The following TMEM18 variants were observed in gnomAD, a reference collection of about 807,000 sequenced individuals.
TMEM18 encodes the protein transmembrane protein 18.
A neutral mutation model predicts 17.4 loss-of-function variants in TMEM18; 14 were observed. That is an observed-to-expected ratio of 0.80 (90% CI 0.53 to 1.25). The LOEUF (loss-of-function observed/expected upper bound fraction) is 1.25, where lower values mean the gene tolerates loss of function less well. TMEM18 is among the 50% of genes most tolerant of loss of function. TMEM18 has a pLI of 0.00. For missense variants in TMEM18, 187 were observed against 172.1 expected, an observed-to-expected ratio of 1.09 and a Z score of -0.48; for synonymous variants, 86 against 66.1, an observed-to-expected ratio of 1.30 and a Z score of -1.46.
intron 1 of TMEM18, chr2:675,951 TG>T: frequency 1.5e-6 from 2 of 1,356,972 alleles, no homozygotes; most frequent in Non-Finnish European, 1.9e-6. Context: ...GTTTTTAAGG[TG>T]GGTATAATTA....
rs377290376 is a variant in TMEM18 at position 675,863 on chromosome 2, T to C, written c.58-233A>G. 55 of 1,500,130 alleles carry C rather than the reference T, an allele frequency of 3.7e-5. No homozygotes were observed. The African/African-American group carries it at 5.0e-4, about 14-fold the overall frequency. The allele number at this position is 1,500,130 out of a possible 1,614,324, so 92.9% of individuals were successfully genotyped here. On this transcript the variant is annotated intron_variant, in intron 1 of 4. Transcript: ENST00000281017. ...GATTCTCCCCTCAGTGCAACTATAATTCATGGAATTCAAAGTTCAAGCACA... is the reference window on the plus strand; with the variant it reads ...GATTCTCCCCTCAGTGCAACTATAACTCATGGAATTCAAAGTTCAAGCACA...
intron 1 of TMEM18, chr2:676,760 CTCCA>C: frequency 1.0e-6 from 1 of 965,810 alleles, no homozygotes; most frequent in Non-Finnish European, 1.5e-6. Context: ...CACGATCAGG[CTCCA>C]CCACGCACGC....
chr2:665,696 A>G lies in TMEM18; in HGVS notation c.*3884T>C, dbSNP rs1363486053. Among the ~76,000 whole-genome samples, 1 of 76,202 alleles carries G rather than the reference A, an allele frequency of 1.3e-5. No individual in the cohort carries two copies. The highest frequency in any genetic ancestry group is 3.0e-5 in the Non-Finnish European group (1 of 33,824). 50.0% of individuals were successfully genotyped at this position (76,202 alleles called of 152,430 possible). A position where few individuals can be genotyped will look rare whatever the true frequency, so the allele number is the denominator to read the frequency against. On this transcript the variant is annotated 3_prime_UTR_variant, in exon 5 of 5. Transcript: ENST00000281017. ...AGATGCCCCACTCACTCAGATAGAG[A>G]ATCAACCCTACATACAACAGGACCC...
chr2:676,698 G>T, intron 1 of TMEM18: 2 of 1,500,580 alleles, frequency 1.3e-6, no homozygotes, highest in Non-Finnish European at 1.8e-6. Context: ...AGACGAACCC[G>T]GCACGGCGCA....
At chr2:671,406 T>C (rs112407006) in intron 3 of TMEM18, among the ~76,000 whole-genome samples, 6 of 141,916 alleles carry the variant, frequency 4.2e-5, no homozygotes, top group African/African-American at 1.6e-4. Flanking sequence ...AGAGGCAGGG[T>C]CCTCCTGGGA....
intron 3 of TMEM18, among the ~76,000 whole-genome samples, chr2:672,314 A>G (rs1678870269): frequency 6.6e-6 from 1 of 152,058 alleles, no homozygotes; most frequent in Admixed American, 6.5e-5. Context: ...AGCCAGGGGT[A>G]GAGGAGGGGG....
Position 664,403 on chromosome 2 carries a change from ATG to A in TMEM18, c.*5175_*5176del, listed in dbSNP as rs555259879. ...CTAGTAACACATATTTCTGCCCTAT[ATG>A]TGTTACCAATTTTAACACATAAAAT... On this transcript the variant is annotated 3_prime_UTR_variant, in exon 5 of 5. Coordinates refer to ENST00000281017, the MANE Select transcript of TMEM18 (RefSeq NM_152834.4). Among the ~76,000 whole-genome samples, 109 of 152,364 alleles carry A rather than the reference ATG, an allele frequency of 7.2e-4. No individual in the cohort carries two copies. Among genetic ancestry groups the A allele is most frequent in the Non-Finnish European group, 9.3e-4 (63 of 68,034 alleles).
intron 3 of TMEM18, among the ~76,000 whole-genome samples, chr2:672,589 C>T (rs1678877961): frequency 6.6e-6 from 1 of 152,270 alleles, no homozygotes; most frequent in Non-Finnish European, 1.5e-5. Flanking sequence ...CCTCAGCCAG[C>T]ACTGTCCCAC....
chr2:672,832 T>A lies in TMEM18; in HGVS notation c.209A>T (p.Asn70Ile). 6.7e-7 allele frequency: 1 copy of A among 1,486,240 alleles called. No individual in the cohort carries two copies. Among genetic ancestry groups the A allele is most frequent in the Non-Finnish European group, 8.9e-7 (1 of 1,124,794 alleles). 92.1% of individuals were successfully genotyped at this position (1,486,240 alleles called of 1,614,324 possible). The change falls in exon 3 of 5, where the codon AAT becomes ATT. Residue 70 changes from asparagine (N) to isoleucine (I), a missense_variant. By Grantham distance (149) the Asn-to-Ile change is moderately radical (BLOSUM62 -3). Transcript: ENST00000281017. Reference sequence around the variant, plus strand: ...CCTCCAGTTCATCGCAGCCGCCTCATTGATGTATTCAGCACAGTAGACTAA... The same window carrying A: ...CCTCCAGTTCATCGCAGCCGCCTCAATGATGTATTCAGCACAGTAGACTAA... ...VILVYCAEYI[N>I]EAAAMNWRLF...
In TMEM18 at chr2:664,857, T is replaced by C. The variant is rs576980847; in HGVS notation, c.*4723A>G. Among the ~76,000 whole-genome samples the C allele has an allele frequency of 6.6e-6, 1 of 152,336 alleles. No homozygotes were observed. The highest frequency in any genetic ancestry group is 2.1e-4 in the South Asian group (1 of 4,832). ...TTAGAAAAACTCTGCATCTCTAATA[T>C]CAGTAACTGGTTACGTAAATTCAGC... On this transcript the variant is annotated 3_prime_UTR_variant, in exon 5 of 5. Coordinates refer to ENST00000281017, the MANE Select transcript of TMEM18 (RefSeq NM_152834.4).
chr2:664,585 T>C lies in TMEM18; in HGVS notation c.*4995A>G, dbSNP rs1678628021. On this transcript the variant is annotated 3_prime_UTR_variant, in exon 5 of 5. Transcript: ENST00000281017. ...AAGTTAAAACAGTGAGATAAAACTT[T>C]CACCTATTACTCAGAAAAGTTTCTT... Among the ~76,000 whole-genome samples, 1 of 152,266 alleles carries C rather than the reference T, an allele frequency of 6.6e-6. No homozygotes were observed. The highest frequency in any genetic ancestry group is 6.5e-5 in the Admixed American group (1 of 15,286).
chr2:669,704 G>C, intron 4 of TMEM18, 29 bp from the exon 5 acceptor site: 1 of 1,613,848 alleles, frequency 6.2e-7, no homozygotes, highest in South Asian at 1.1e-5. Flanking sequence ...GACATGTTTA[G>C]ATTTGAAAAA....
In TMEM18 at chr2:668,650, T is replaced by C. The variant is rs2103089243; in HGVS notation, c.*930A>G. 6.6e-6 allele frequency: 1 copy of C among 152,344 alleles called. No individual in the cohort carries two copies. Among genetic ancestry groups the C allele is most frequent in the Non-Finnish European group, 1.5e-5 (1 of 68,046 alleles). The allele number at this position is 152,344 out of a possible 1,614,324, so 9.4% of individuals were successfully genotyped here. A position where few individuals can be genotyped will look rare whatever the true frequency, so the allele number is the denominator to read the frequency against. ...AAATATCTGGGTCTCTAACCACCTG[T>C]CATTCTTAAACTACAGGTCCACATT... On this transcript the variant is annotated 3_prime_UTR_variant, in exon 5 of 5. Coordinates refer to ENST00000281017, the MANE Select transcript of TMEM18 (RefSeq NM_152834.4).
intron 3 of TMEM18, chr2:670,063 A>G: frequency 1.9e-6 from 1 of 534,578 alleles, no homozygotes; most frequent in Non-Finnish European, 3.3e-6. Context: ...ACTGGGTCAC[A>G]GGACAGGGAG....
In TMEM18 at chr2:675,490, G is replaced by T. The variant is rs1678972945; in HGVS notation, c.178+20C>A. On this transcript the variant is annotated intron_variant, in intron 2 of 4. Coordinates refer to ENST00000281017, the MANE Select transcript of TMEM18 (RefSeq NM_152834.4). ...TTCACACAGTGATCTGAGTTGTGGA[G>T]TTTGTGTTGTTTTACTCACCTAGAC... 2 of 1,614,194 alleles carry T rather than the reference G, an allele frequency of 1.2e-6. No homozygotes were observed. The highest frequency in any genetic ancestry group is 4.5e-5 in the East Asian group (2 of 44,884).
Position 664,035 on chromosome 2 carries a change from T to C in TMEM18, c.*5545A>G, listed in dbSNP as rs1678611237. Among the ~76,000 whole-genome samples, 1 of 152,194 alleles carries C rather than the reference T, an allele frequency of 6.6e-6. No homozygotes were observed. The highest frequency in any genetic ancestry group is 1.5e-5 in the Non-Finnish European group (1 of 68,044). On this transcript the variant is annotated 3_prime_UTR_variant, in exon 5 of 5. Coordinates refer to ENST00000281017, the MANE Select transcript of TMEM18 (RefSeq NM_152834.4). ...ACCTGGATGCTTGAGCAAAAGGATA[T>C]TCGGTTTGGAGGCTAGAGAAGGAAG...
At position 667,759 on chromosome 2, in the gene TMEM18, C is replaced by T. The variant is rs974169063; in HGVS notation, c.*1821G>A. The T allele has an allele frequency of 1.3e-4, 20 of 152,210 alleles. No homozygotes were observed. The highest frequency in any genetic ancestry group is 4.8e-4 in the African/African-American group (20 of 41,440). 9.4% of individuals were successfully genotyped at this position (152,210 alleles called of 1,614,324 possible). On this transcript the variant is annotated 3_prime_UTR_variant, in exon 5 of 5. Transcript: ENST00000281017. ...ATAACTGTTCCAAAACACAGACACACACATGCAGAATGAAAATCAAAGACC... is the reference window on the plus strand; with the variant it reads ...ATAACTGTTCCAAAACACAGACACATACATGCAGAATGAAAATCAAAGACC...
At position 667,301 on chromosome 2, in the gene TMEM18, CATT is replaced by C. The variant is rs1390675096; in HGVS notation, c.*2276_*2278del. ...TTACAGTAAGGTGCAAAACAAATAC[CATT>C]TTTTTGAAAAAAACAAAAAAAAATA... On this transcript the variant is annotated 3_prime_UTR_variant, in exon 5 of 5. Coordinates refer to ENST00000281017, the MANE Select transcript of TMEM18 (RefSeq NM_152834.4). 1.3e-5 allele frequency: 2 copies of C among 151,706 alleles called. No individual in the cohort carries two copies. The highest frequency in any genetic ancestry group is 3.4e-3 in the Middle Eastern group (1 of 290). The allele number at this position is 151,706 out of a possible 1,614,324, so 9.4% of individuals were successfully genotyped here. A position where few individuals can be genotyped will look rare whatever the true frequency, so the allele number is the denominator to read the frequency against.
chr2:674,489 G>C (rs1000769716), intron 2 of TMEM18, among the ~76,000 whole-genome samples: 1 of 152,160 alleles, frequency 6.6e-6, no homozygotes, highest in Non-Finnish European at 1.5e-5. Flanking sequence ...GATAACACAG[G>C]TCTGTGATGA....
Sources: allele counts gnomAD v4.1 joint callset (sites outside exome capture counted in the v4.1 genomes callset), GRCh38; gene constraint gnomAD v4.1.1; transcripts MANE v1.5; gene names NCBI Gene and HGNC (gene_info 2026-07-23, HGNC 2026-07-21).